The following SRGAP1 variants were observed in gnomAD, a reference collection of about 807,000 sequenced individuals.
The protein encoded by SRGAP1 is SLIT-ROBO Rho GTPase-activating protein 1.
SRGAP1 carries 43 observed loss-of-function variants against 121.9 expected under a neutral mutation model. The observed-to-expected ratio is 0.35, with a 90% CI of 0.28 to 0.46. SRGAP1 has a LOEUF of 0.46. Among genes scored for constraint, SRGAP1 ranks in the 20% least tolerant of loss-of-function variants. SRGAP1 has a pLI of 1.00. For synonymous variants in SRGAP1, 447 were observed against 485.4 expected (o/e 0.92, Z 1.04); for missense variants, 1,102 against 1,350.9 (o/e 0.82, Z 2.89).
intron 1 of SRGAP1, among the ~76,000 whole-genome samples, chr12:63,921,878 A>C: frequency 6.6e-6 from 1 of 152,240 alleles, no homozygotes; most frequent in Non-Finnish European, 1.5e-5. Context: ...TCTTCAAAAA[A>C]AACTTGCTGG....
chr12:63,929,699 A>G (rs1055681152), intron 1 of SRGAP1, among the ~76,000 whole-genome samples: 1 of 152,000 alleles, frequency 6.6e-6, no homozygotes, highest in Non-Finnish European at 1.5e-5. Context: ...CTGCATTTGT[A>G]GTGGTATTAA....
At chr12:64,114,124 A>C (rs1392906941) in intron 17 of SRGAP1, among the ~76,000 whole-genome samples, 3 of 152,180 alleles carry the variant, frequency 2.0e-5, no homozygotes, top group Non-Finnish European at 4.4e-5. Flanking sequence ...AGAATGAAAC[A>C]TACCTAGATT....
intron 1 of SRGAP1, among the ~76,000 whole-genome samples, chr12:63,946,143 A>G (rs906349663): frequency 6.6e-6 from 1 of 152,188 alleles, no homozygotes; most frequent in African/African-American, 2.4e-5. Context: ...TGCATTATGA[A>G]ATGGAGGTCT....
chr12:63,953,709 C>T (rs1005679534), intron 1 of SRGAP1, among the ~76,000 whole-genome samples: 1 of 151,988 alleles, frequency 6.6e-6, no homozygotes, highest in Non-Finnish European at 1.5e-5. Flanking sequence ...GCCCACTGCC[C>T]ATGATTCCAT....
chr12:63,943,773 C>T (rs1414176125), intron 1 of SRGAP1, among the ~76,000 whole-genome samples: 1 of 152,000 alleles, frequency 6.6e-6, no homozygotes, highest in Non-Finnish European at 1.5e-5. Context: ...TGCAGTTGGG[C>T]AGAGAGATCT....
chr12:64,033,175 G>C (rs2034820910), intron 4 of SRGAP1, among the ~76,000 whole-genome samples: 1 of 151,892 alleles, frequency 6.6e-6, no homozygotes, highest in Non-Finnish European at 1.5e-5. Flanking sequence ...CTTAGTCCCT[G>C]CATCTCGTTT....
At chr12:63,865,966 A>G (rs1031325870) in intron 1 of SRGAP1, among the ~76,000 whole-genome samples, 7 of 152,184 alleles carry the variant, frequency 4.6e-5, no homozygotes, top group Admixed American at 1.3e-4. Context: ...GTTGTGGTAT[A>G]AAATCCACTT....
chr12:63,865,098 A>G (rs1459211406), intron 1 of SRGAP1, among the ~76,000 whole-genome samples: 4 of 152,170 alleles, frequency 2.6e-5, no homozygotes, highest in Admixed American at 6.5e-5. Flanking sequence ...ACACATTTTT[A>G]TTAATCAAAA....
At chr12:63,905,645 C>G (rs961486854) in intron 1 of SRGAP1, among the ~76,000 whole-genome samples, 1 of 152,066 alleles carries the variant, frequency 6.6e-6, no homozygotes, top group Non-Finnish European at 1.5e-5. Context: ...AGAGTACTTG[C>G]TATATGTAAG....
chr12:63,983,379 C>T (rs1193364865), intron 1 of SRGAP1: 1 of 152,176 alleles, frequency 6.6e-6, no homozygotes, highest in Admixed American at 6.5e-5. Flanking sequence ...ATTCTTTCCC[C>T]TCATGGCTCG....
intron 15 of SRGAP1, among the ~76,000 whole-genome samples, chr12:64,098,645 C>T (rs1029991972): frequency 9.3e-5 from 14 of 150,308 alleles, no homozygotes; most frequent in Admixed American, 2.0e-4. Flanking sequence ...ACTCCAGCCT[C>T]GGTGACAGAG....
At chr12:64,063,204 T>C in intron 7 of SRGAP1, 66 bp downstream of exon 7, 2 of 1,370,346 alleles carry the variant, frequency 1.5e-6, no homozygotes, top group South Asian at 2.5e-5. Flanking sequence ...TCACTTGCTA[T>C]AATCTAACAG....
chr12:63,978,577 A>G (rs1358720472), intron 1 of SRGAP1, among the ~76,000 whole-genome samples: 3 of 152,198 alleles, frequency 2.0e-5, no homozygotes, highest in East Asian at 3.8e-4. Flanking sequence ...TTGTGTGGCT[A>G]TATCACATTT....
intron 8 of SRGAP1, among the ~76,000 whole-genome samples, chr12:64,075,019 C>T (rs776675770): frequency 6.6e-5 from 10 of 151,500 alleles, no homozygotes; most frequent in Non-Finnish European, 1.3e-4. Context: ...CTGCCGAGAC[C>T]ACCTCGGTCG....
chr12:63,933,621 G>T (rs528633618), intron 1 of SRGAP1, among the ~76,000 whole-genome samples: 1 of 152,188 alleles, frequency 6.6e-6, no homozygotes, highest in Non-Finnish European at 1.5e-5. Flanking sequence ...AAGATGGTAA[G>T]TATCTTGCTA....
intron 3 of SRGAP1, among the ~76,000 whole-genome samples, chr12:63,991,510 A>T (rs2033555809): frequency 6.6e-6 from 1 of 152,266 alleles, no homozygotes; most frequent in Non-Finnish European, 1.5e-5. Flanking sequence ...ATACAATTTA[A>T]GAAGAGATAA....
At chr12:63,851,767 G>A (rs11175188) in intron 1 of SRGAP1, among the ~76,000 whole-genome samples, 42,833 of 151,172 alleles carry the variant, frequency 0.28, 6,992 homozygotes, top group East Asian at 0.55. Flanking sequence ...GAGTTTTACT[G>A]TGTTGGCCAG....
intron 21 of SRGAP1, among the ~76,000 whole-genome samples, chr12:64,132,415 C>T (rs1019898515): frequency 1.3e-5 from 2 of 152,220 alleles, no homozygotes; most frequent in African/African-American, 4.8e-5. Flanking sequence ...CCACTCAAAA[C>T]TGGCAGCCTT....
chr12:63,923,175 C>G (rs1322000917), intron 1 of SRGAP1, among the ~76,000 whole-genome samples: 1 of 152,180 alleles, frequency 6.6e-6, no homozygotes, highest in East Asian at 1.9e-4. Context: ...TAATACCCTA[C>G]CAGCCTTTTC....
Sources: gnomAD v4.1 joint callset for allele counts (sites outside exome capture counted in the v4.1 genomes callset) on GRCh38, gnomAD v4.1.1 for gene constraint, MANE v1.5 for transcripts, NCBI Gene and HGNC (gene_info 2026-07-23, HGNC 2026-07-21) for gene names.